The following FBXL12 variants were observed in gnomAD, a reference collection of about 807,000 sequenced individuals.
The protein encoded by FBXL12 is F-box/LRR-repeat protein 12.
Under a neutral mutation model 24.9 loss-of-function variants are expected in FBXL12, and 22 were observed. That is an observed-to-expected ratio of 0.88 (90% CI 0.63 to 1.26). The LOEUF is 1.26. Among genes scored for constraint, FBXL12 ranks in the 50% most tolerant of loss-of-function variants. The pLI is 0.00. For synonymous variants in FBXL12, 193 were observed against 193.8 expected, an observed-to-expected ratio of 1.00 and a Z score of 0.03; for missense variants, 384 against 434.1, an observed-to-expected ratio of 0.88 and a Z score of 1.03.
Position 9,818,543 on chromosome 19 carries a change from AC to A in FBXL12, c.159+1del. On this transcript the variant is annotated splice_donor_variant, in intron 2 of 2. Coordinates refer to ENST00000247977, the MANE Select transcript of FBXL12 (RefSeq NM_017703.3). LOFTEE classifies it high-confidence loss of function. ...CAGGCCCGCCCGGCCAGCTGCGCGT[AC>A]CGTGTAGAGCGTCAGGTCGACATGT... 1 of 1,546,070 alleles carries A rather than the reference AC, an allele frequency of 6.5e-7. No homozygotes were observed. Among genetic ancestry groups the A allele is most frequent in the East Asian group, 2.4e-5 (1 of 41,378 alleles).
chr19:9,818,173 G>C (rs2145383283), intron 2 of FBXL12: 1 of 417,310 alleles, frequency 2.4e-6, no homozygotes, highest in African/African-American at 2.0e-5. Context: ...CTGCACTCCA[G>C]CCTGAGCAGC....
In FBXL12 at chr19:9,811,408, C is replaced by T. The variant is rs61753275; in HGVS notation, c.469G>A (p.Val157Met). ...PTVLPLLECI[V>M]LDRVPAFRDE... ...CGGAAGGCGGGGACGCGGTCCAGCA[C>T]GATGCATTCAAGCAGGGGCAGCACG... is the stretch of plus-strand genomic sequence containing the variant. Residue 157 changes from valine (V) to methionine (M), a missense_variant, in exon 3 of 3, where the codon GTG (valine) becomes ATG (methionine). Physicochemically the swap from Val to Met is conservative, Grantham distance 21. Transcript: ENST00000247977. This position sits in a 1 kb window ranked among gnomAD's most constrained non-coding sequence, Gnocchi z 6.0. 7.8e-4 allele frequency: 1,251 copies of T among 1,613,314 alleles called. 2 individuals are homozygous for T. Among genetic ancestry groups the T allele is most frequent in the Non-Finnish European group, 9.7e-4 (1,150 of 1,179,982 alleles).
chr19:9,813,836 T>A (rs1032451548), intron 2 of FBXL12, among the ~76,000 whole-genome samples: 2 of 151,070 alleles, frequency 1.3e-5, no homozygotes, highest in Non-Finnish European at 3.0e-5. Context: ...ACAGGGTTTC[T>A]CCATGTAGGT....
intron 2 of FBXL12, chr19:9,813,180 A>T: frequency 9.3e-7 from 1 of 1,079,558 alleles, no homozygotes; most frequent in Non-Finnish European, 1.2e-6. Context: ...AGCACTGGGC[A>T]TTTCATTCTA....
In FBXL12 at chr19:9,819,029, C is replaced by T. The variant is rs2145387106; in HGVS notation, c.-216G>A. ...AAAGCGTGGCTGAGGCAGTGAGAGG[C>T]TTGCGGGAGGTGGCTGAGGCGTGAT... On this transcript the variant is annotated 5_prime_UTR_variant, in exon 1 of 3. Transcript: ENST00000247977. 1.7e-6 allele frequency: 1 copy of T among 590,676 alleles called. No homozygotes were observed. The highest frequency in any genetic ancestry group is 2.0e-5 in the South Asian group (1 of 49,398). 36.6% of individuals were successfully genotyped at this position (590,676 alleles called of 1,614,324 possible). A position where few individuals can be genotyped will look rare whatever the true frequency, so the allele number is the denominator to read the frequency against.
chr19:9,818,118 G>A (rs915178992), intron 2 of FBXL12: 2 of 394,282 alleles, frequency 5.1e-6, no homozygotes, highest in African/African-American at 2.1e-5. Context: ...AGGCTGATGC[G>A]AGAGGATCGC....
chr19:9,818,450 C>G, intron 2 of FBXL12, 95 bp downstream of exon 2: 2 of 1,348,378 alleles, frequency 1.5e-6, no homozygotes, highest in South Asian at 1.3e-5. Context: ...ATCCCCAGCC[C>G]GGGCCCCGAC....
Position 9,811,405 on chromosome 19 carries a change from G to A in FBXL12, c.472C>T (p.Leu158=), listed in dbSNP as rs533432686. The change falls in exon 3 of 3, where the codon CTG becomes TTG. Residue 158 remains leucine (L), a synonymous_variant. Transcript: ENST00000247977. This position sits in a 1 kb window ranked among gnomAD's most constrained non-coding sequence, Gnocchi z 6.0. ...TVLPLLECIV[L]DRVPAFRDEH... is the part of the protein sequence containing the mutation. Reference sequence around the variant, plus strand: ...TCACGGAAGGCGGGGACGCGGTCCAGCACGATGCATTCAAGCAGGGGCAGC... The same window carrying A: ...TCACGGAAGGCGGGGACGCGGTCCAACACGATGCATTCAAGCAGGGGCAGC... The A allele has an allele frequency of 6.2e-7, 1 of 1,613,130 alleles. No individual in the cohort carries two copies. Among genetic ancestry groups the A allele is most frequent in the Non-Finnish European group, 8.5e-7 (1 of 1,179,994 alleles).
At position 9,811,337 on chromosome 19, in the gene FBXL12, C is replaced by A. The variant is rs1039613829; in HGVS notation, c.540G>T (p.Ser180=). The part of the protein sequence containing the change: ...QGLTRFRALR[S]LVLGGTYRVT... ...CACGGTAGGTACCACCCAGCACCAG[C>A]GAGCGCAAGGCCCGGAAGCGCGTCA... The change falls in exon 3 of 3, where the codon TCG becomes TCT. Residue 180 remains serine, a synonymous_variant. Transcript: ENST00000247977. This position sits in a 1 kb window ranked among gnomAD's most constrained non-coding sequence, Gnocchi z 6.0. 26 of 1,609,680 alleles carry A rather than the reference C, an allele frequency of 1.6e-5. No individual in the cohort carries two copies. The highest frequency in any genetic ancestry group is 2.0e-5 in the Non-Finnish European group (24 of 1,179,960).
In FBXL12 at chr19:9,819,060, C is replaced by G; in HGVS notation, c.-247G>C. On this transcript the variant is annotated 5_prime_UTR_variant, in exon 1 of 3. Transcript: ENST00000247977. ...GGAGGTGGCTGAGGCGTGATTTGGC[C>G]GCGACTGGGAACTAAGACCAAGTCC... The G allele has an allele frequency of 3.5e-6, 2 of 568,480 alleles. No individual in the cohort carries two copies. The highest frequency in any genetic ancestry group is 3.1e-6 in the Non-Finnish European group (1 of 317,650). The allele number at this position is 568,480 out of a possible 1,614,324, so 35.2% of individuals were successfully genotyped here. A position where few individuals can be genotyped will look rare whatever the true frequency, so the allele number is the denominator to read the frequency against.
intron 2 of FBXL12, among the ~76,000 whole-genome samples, chr19:9,816,747 A>AT (rs2045893463): frequency 2.6e-5 from 4 of 152,130 alleles, no homozygotes; most frequent in Admixed American, 1.3e-4. Context: ...ATGCTTCTAC[A>AT]TTTTTGGGTA....
Position 9,818,527 on chromosome 19 carries a change from C to G in FBXL12, c.159+18G>C, listed in dbSNP as rs1365609542. 1 of 1,540,336 alleles carries G rather than the reference C, an allele frequency of 6.5e-7. No homozygotes were observed. The highest frequency in any genetic ancestry group is 1.2e-5 in the South Asian group (1 of 84,290). On this transcript the variant is annotated intron_variant, in intron 2 of 2. Transcript: ENST00000247977. ...CACCGCGACCGCGGCCCAGGCCCGC[C>G]CGGCCAGCTGCGCGTACCGTGTAGA...
rs1568342175 is a variant in FBXL12 at position 9,811,466 on chromosome 19, G to C, written c.411C>G (p.Ser137=). The change falls in exon 3 of 3, where the codon TCC becomes TCG. Residue 137 remains serine (S), a synonymous_variant. Coordinates refer to ENST00000247977, the MANE Select transcript of FBXL12 (RefSeq NM_017703.3). The surrounding 1 kb of genome is among the most constrained non-coding windows in gnomAD (Gnocchi z 6.0). ...RTLELHSCEI[S]MAWLHKQQDP... Reference sequence around the variant, plus strand: ...CCTGCTGCTTGTGGAGCCAGGCCATGGAGATCTCGCAGCTGTGCAGCTCCA... The same window carrying C: ...CCTGCTGCTTGTGGAGCCAGGCCATCGAGATCTCGCAGCTGTGCAGCTCCA... 6.2e-7 allele frequency: 1 copy of C among 1,613,970 alleles called. No homozygotes were observed. The highest frequency in any genetic ancestry group is 8.5e-7 in the Non-Finnish European group (1 of 1,180,006).
intron 2 of FBXL12, among the ~76,000 whole-genome samples, chr19:9,816,050 T>C (rs745824337): frequency 2.0e-4 from 30 of 152,304 alleles, no homozygotes; most frequent in Admixed American, 8.5e-4. Flanking sequence ...GCCCGAGTTA[T>C]ACGTTGGCCC....
At chr19:9,815,802 G>A (rs2045869618) in intron 2 of FBXL12, among the ~76,000 whole-genome samples, 1 of 152,054 alleles carries the variant, frequency 6.6e-6, no homozygotes, top group Non-Finnish European at 1.5e-5. Context: ...TTACAAGCAT[G>A]CGCCACCACG....
intron 2 of FBXL12, 94 bp downstream of exon 2, chr19:9,818,451 G>C (rs1218093709): frequency 1.5e-6 from 2 of 1,346,060 alleles, no homozygotes; most frequent in Non-Finnish European, 2.0e-6. Flanking sequence ...TCCCCAGCCC[G>C]GGCCCCGACA....
chr19:9,816,636 C>T (rs1000771870), intron 2 of FBXL12, among the ~76,000 whole-genome samples: 12 of 152,226 alleles, frequency 7.9e-5, no homozygotes, highest in South Asian at 2.1e-4. Flanking sequence ...GGCAAAGTCA[C>T]TCAACAAGTC....
intron 2 of FBXL12, among the ~76,000 whole-genome samples, chr19:9,815,818 GT>G (rs1320652031): frequency 1.3e-5 from 2 of 152,000 alleles, no homozygotes; most frequent in Non-Finnish European, 2.9e-5. Flanking sequence ...CCACGCATTT[GT>G]TGTATTTTTA....
Position 9,811,287 on chromosome 19 carries a change from C to T in FBXL12, c.590G>A (p.Gly197Asp). ...YRVTETGLDA[G>D]LQELSYLQRL... is the part of the protein sequence containing the mutation. The stretch of plus-strand genomic sequence containing the variant: ...CTGCAGATAGCTGAGCTCCTGCAGG[C>T]CAGCATCCAGCCCTGTCTCGGTCAC... Residue 197 changes from glycine (G) to aspartate (D), a missense_variant, in exon 3 of 3, where the codon GGC (glycine) becomes GAC (aspartate). Coordinates refer to ENST00000247977, the MANE Select transcript of FBXL12 (RefSeq NM_017703.3). This position sits in a 1 kb window ranked among gnomAD's most constrained non-coding sequence, Gnocchi z 6.0. 2 of 1,609,728 alleles carry T rather than the reference C, an allele frequency of 1.2e-6. No homozygotes were observed. Among genetic ancestry groups the T allele is most frequent in the Non-Finnish European group, 1.7e-6 (2 of 1,179,968 alleles).
Sources: allele counts gnomAD v4.1 joint callset (sites outside exome capture counted in the v4.1 genomes callset), GRCh38; gene constraint gnomAD v4.1.1; non-coding constraint Gnocchi (gnomAD v3.1); transcripts MANE v1.5; gene names NCBI Gene and HGNC (gene_info 2026-07-23, HGNC 2026-07-21).